ADNP: variants seen among roughly 807,000 people sequenced by gnomAD.
ADNP encodes activity-dependent neuroprotector homeobox protein.
Under a neutral mutation model 84.9 loss-of-function variants are expected in ADNP, and 4 were observed. The observed-to-expected ratio is 0.05, with a 90% CI of 0.02 to 0.11. The LOEUF is 0.11. Ranked by LOEUF, ADNP falls within the 10% of genes least tolerant of loss-of-function variation. ADNP has a pLI of 1.00. For missense variants in ADNP, 1,132 were observed against 1,326.0 expected (o/e 0.85, Z 2.27); for synonymous variants, 554 against 468.1 (o/e 1.18, Z -2.37).
At chr20:50,910,267 A>G (rs1042910856) in intron 2 of ADNP, among the ~76,000 whole-genome samples, 2 of 152,256 alleles carry the variant, frequency 1.3e-5, no homozygotes, top group African/African-American at 2.4e-5. Flanking sequence ...CCTAAATTCT[A>G]GAATTCAGAG....
chr20:50,917,012 G>C (rs1047483327), intron 2 of ADNP, among the ~76,000 whole-genome samples: 1 of 152,202 alleles, frequency 6.6e-6, no homozygotes, highest in Admixed American at 6.5e-5. Context: ...CCTAGGAGCT[G>C]CCTAATCTAA....
chr20:50,892,965 G>A lies in ADNP; in HGVS notation c.1749C>T (p.Ala583=). Residue 583 remains alanine, a synonymous_variant, in exon 6 of 6, where the codon GCC becomes GCT. Coordinates refer to ENST00000621696, the MANE Select transcript of ADNP (RefSeq NM_001282531.3). ...DAPAESVAYH[A]QNNPPVPPKP... is the part of the protein sequence containing the mutation. ...TTGGAGGAACTGGAGGATTATTTTG[G>A]GCATGGTAAGCAACAGATTCAGCTG... 4 of 1,614,118 alleles carry A rather than the reference G, an allele frequency of 2.5e-6. No individual in the cohort carries two copies. Among genetic ancestry groups the A allele is most frequent in the Non-Finnish European group, 3.4e-6 (4 of 1,180,024 alleles).
rs551485241 is a variant in ADNP at position 50,891,878 on chromosome 20, T to G, written c.2836A>C (p.Thr946Pro). 6.2e-7 allele frequency: 1 copy of G among 1,614,132 alleles called. No individual in the cohort carries two copies. The highest frequency in any genetic ancestry group is 1.3e-5 in the African/African-American group (1 of 74,940). ...TCAGATGCATTGTGCATTAGTTTGGTTGGTTCCTCAGTCAAATGAATAGTT... is the reference window on the plus strand; with the variant it reads ...TCAGATGCATTGTGCATTAGTTTGGGTGGTTCCTCAGTCAAATGAATAGTT... ...YETIHLTEEP[T>P]KLMHNASDSE... Residue 946 changes from threonine to proline, a missense_variant, in exon 6 of 6, where the codon ACC (threonine) becomes CCC (proline). Thr to Pro is a conservative substitution (Grantham distance 38). Transcript: ENST00000621696.
In ADNP at chr20:50,925,314, T is replaced by C. The variant is rs181690058; in HGVS notation, c.-90+3337A>G. Among the ~76,000 whole-genome samples the C allele has an allele frequency of 6.7e-5, 10 of 150,186 alleles. No homozygotes were observed. In the East Asian group the frequency reaches 2.0e-3, roughly 29 times the overall value. On this transcript the variant is annotated intron_variant, in intron 2 of 5. Coordinates refer to ENST00000621696, the MANE Select transcript of ADNP (RefSeq NM_001282531.3). ...CACTACATAATCAAGTTGGCTCATATATACCAACTTGAGAAGCATGATAAT... is the reference window on the plus strand; with the variant it reads ...CACTACATAATCAAGTTGGCTCATACATACCAACTTGAGAAGCATGATAAT...
chr20:50,930,489 G>A (rs1467125875), intron 1 of ADNP, among the ~76,000 whole-genome samples: 2 of 151,440 alleles, frequency 1.3e-5, no homozygotes, highest in African/African-American at 2.4e-5. Flanking sequence ...GATGGGAGAA[G>A]CTCGGTTCTG....
intron 2 of ADNP, among the ~76,000 whole-genome samples, chr20:50,911,510 C>CTTTTTT (rs371456557): frequency 7.0e-6 from 1 of 141,900 alleles, no homozygotes; most frequent in Non-Finnish European, 1.5e-5. Context: ...CTTTTCTTTT[C>CTTTTTT]TTTTTTTTTT....
At chr20:50,920,262 C>CAAAAA (rs56181933) in intron 2 of ADNP, among the ~76,000 whole-genome samples, 56 of 64,462 alleles carry the variant, frequency 8.7e-4, no homozygotes, top group Non-Finnish European at 1.1e-3. Flanking sequence ...ATTCCACCTC[C>CAAAAA]AAAAAAAAAA....
chr20:50,919,035 A>G (rs186830577), intron 2 of ADNP, among the ~76,000 whole-genome samples: 3 of 152,264 alleles, frequency 2.0e-5, no homozygotes, highest in East Asian at 1.9e-4. Context: ...ATTTAGTACA[A>G]TATCACCTGA....
At chr20:50,900,532 C>T (rs771741740) in intron 5 of ADNP, among the ~76,000 whole-genome samples, 1 of 152,166 alleles carries the variant, frequency 6.6e-6, no homozygotes, top group Non-Finnish European at 1.5e-5. Flanking sequence ...TCACTACAAA[C>T]ATGAATCATA....
Position 50,892,088 on chromosome 20 carries a change from A to G in ADNP, c.2626T>C (p.Ser876Pro). 6.2e-7 allele frequency: 1 copy of G among 1,614,172 alleles called. No homozygotes were observed. The highest frequency in any genetic ancestry group is 2.2e-5 in the East Asian group (1 of 44,884). The change falls in exon 6 of 6, where the codon TCA becomes CCA. Residue 876 changes from serine (S) to proline (P), a missense_variant. Around this residue, in one of 10 missense-constraint regions of ADNP, gnomAD observed 381 missense variants for 319.9 expected, o/e 1.19. Coordinates refer to ENST00000621696, the MANE Select transcript of ADNP (RefSeq NM_001282531.3). Reference protein sequence around the residue: ...LNLGKEDDSSSDSFENLEEES... With the variant: ...LNLGKEDDSSPDSFENLEEES... ...TCTTCCAAATTTTCAAAACTGTCTGAGGAACTGTCATCTTCCTTCCCAAGG... is the reference window on the plus strand; with the variant it reads ...TCTTCCAAATTTTCAAAACTGTCTGGGGAACTGTCATCTTCCTTCCCAAGG...
Position 50,930,831 on chromosome 20 carries a change from C to G in ADNP, c.-270G>C, listed in dbSNP as rs906963232. 6.8e-6 allele frequency: 1 copy of G among 147,466 alleles called. No homozygotes were observed. The highest frequency in any genetic ancestry group is 1.5e-5 in the Non-Finnish European group (1 of 66,052). 9.1% of individuals were successfully genotyped at this position (147,466 alleles called of 1,614,324 possible). ...CGCGGCGGCGCCGGGCTTACCTTGA[C>G]TCGGCCTCGAGGCGCGCGCGGGGCC... On this transcript the variant is annotated 5_prime_UTR_variant, in exon 1 of 6. Transcript: ENST00000621696.
intron 2 of ADNP, among the ~76,000 whole-genome samples, chr20:50,925,581 T>C (rs974914989): frequency 6.6e-6 from 1 of 152,106 alleles, no homozygotes; most frequent in East Asian, 1.9e-4. Context: ...CATGGACGGT[T>C]TATCAAATAA....
At position 50,889,678 on chromosome 20, in the gene ADNP, C is replaced by T; in HGVS notation, c.*1727G>A. 2.6e-6 allele frequency: 1 copy of T among 388,742 alleles called. No homozygotes were observed. Among genetic ancestry groups the T allele is most frequent in the Non-Finnish European group, 4.5e-6 (1 of 220,320 alleles). The allele number at this position is 388,742 out of a possible 1,614,324, so 24.1% of individuals were successfully genotyped here. On this transcript the variant is annotated 3_prime_UTR_variant, in exon 6 of 6. Transcript: ENST00000621696. The stretch of plus-strand genomic sequence containing the variant: ...GGCCACTATCCTTGAGGTGACTGAC[C>T]AGCCTCCTCATGGATTGGAGTTTCC...
Position 50,897,950 on chromosome 20 carries a change from T to C in ADNP, c.202-3438A>G, listed in dbSNP as rs939223840. ...AGTGCACTGGCCAAGTGTGTGTGTA[T>C]TGATATGCTTGAAGCCCCTAGGGTT... On this transcript the variant is annotated intron_variant, in intron 5 of 5. Transcript: ENST00000621696. Among the ~76,000 whole-genome samples, 8 of 152,316 alleles carry C rather than the reference T, an allele frequency of 5.3e-5. 1 individual carries two copies. The highest frequency in any genetic ancestry group is 2.1e-4 in the South Asian group (1 of 4,824).
chr20:50,919,947 G>C (rs959379569), intron 2 of ADNP, among the ~76,000 whole-genome samples: 6 of 152,106 alleles, frequency 3.9e-5, no homozygotes, highest in Non-Finnish European at 7.4e-5. Context: ...TGCAGGTAAC[G>C]AAGTACAGAA....
chr20:50,923,823 T>C (rs993307637), intron 2 of ADNP, among the ~76,000 whole-genome samples: 1 of 152,212 alleles, frequency 6.6e-6, no homozygotes, highest in Admixed American at 6.5e-5. Context: ...CATCCTCTTG[T>C]TGCTGTTTTT....
At chr20:50,919,316 T>C (rs73263675) in intron 2 of ADNP, among the ~76,000 whole-genome samples, 5,385 of 147,778 alleles carry the variant, frequency 0.036, 329 homozygotes, top group African/African-American at 0.088. Flanking sequence ...TATATATATA[T>C]GTAAAAAGCC....
intron 2 of ADNP, among the ~76,000 whole-genome samples, chr20:50,919,257 C>G (rs1448325217): frequency 7.2e-6 from 1 of 138,184 alleles, no homozygotes; most frequent in Admixed American, 7.2e-5. Flanking sequence ...CCCAAGAGTT[C>G]AAGACCAGCC....
At position 50,890,157 on chromosome 20, in the gene ADNP, A is replaced by G. The variant is rs894092279; in HGVS notation, c.*1248T>C. 1.6e-5 allele frequency: 4 copies of G among 248,744 alleles called. No individual in the cohort carries two copies. Among genetic ancestry groups the G allele is most frequent in the Admixed American group, 5.5e-5 (1 of 18,072 alleles). The allele number at this position is 248,744 out of a possible 1,614,324, so 15.4% of individuals were successfully genotyped here. Reference sequence around the variant, plus strand: ...AAAAAAAAAAAAAAAAAAAAAAAAAAAAAAGAAAAACAGATTTTGTACCAG... The same window carrying G: ...AAAAAAAAAAAAAAAAAAAAAAAAAGAAAAGAAAAACAGATTTTGTACCAG... On this transcript the variant is annotated 3_prime_UTR_variant, in exon 6 of 6. Transcript: ENST00000621696.
Sources: allele counts gnomAD v4.1 joint callset (sites outside exome capture counted in the v4.1 genomes callset), GRCh38; gene constraint gnomAD v4.1.1; regional missense constraint gnomAD v4.1.1; transcripts MANE v1.5; gene names NCBI Gene and HGNC (gene_info 2026-07-23, HGNC 2026-07-21).